The following DUSP10 variants were observed in gnomAD, a reference collection of about 807,000 sequenced individuals.
DUSP10 encodes the protein dual specificity protein phosphatase 10.
In DUSP10, 14 loss-of-function variants were observed where a neutral mutation model predicts 30.8. The observed-to-expected ratio is 0.46, with a 90% CI of 0.30 to 0.71. The LOEUF is 0.71. Ranked by LOEUF, DUSP10 falls within the 30% of genes least tolerant of loss-of-function variation. The pLI is 0.08. For synonymous variants in DUSP10, 254 were observed against 250.4 expected (o/e 1.01, Z -0.14); for missense variants, 550 against 619.4 (o/e 0.89, Z 1.19).
chr1:221,742,043 C>T lies in DUSP10; in HGVS notation c.-106G>A, dbSNP rs1293283297. 6.6e-6 allele frequency: 1 copy of T among 152,352 alleles called. No individual in the cohort carries two copies. Among genetic ancestry groups the T allele is most frequent in the African/African-American group, 2.4e-5 (1 of 41,462 alleles). 9.4% of individuals were successfully genotyped at this position (152,352 alleles called of 1,614,324 possible). ...CTCTTCAGCTATGGACTCGCACATT[C>T]AGCCCCCATTCACTCGGCTTCATTG... On this transcript the variant is annotated 5_prime_UTR_variant, in exon 1 of 4. Coordinates refer to ENST00000366899, the MANE Select transcript of DUSP10 (RefSeq NM_007207.6).
chr1:221,706,060 G>T lies in DUSP10; in HGVS notation c.1183+35C>A, dbSNP rs1422041905. 7 of 1,586,454 alleles carry T rather than the reference G, an allele frequency of 4.4e-6. No homozygotes were observed. The highest frequency in any genetic ancestry group is 6.0e-6 in the Non-Finnish European group (7 of 1,163,918). ...AGCAAGAGCTGGAGGGAAAAGGAAG[G>T]CAGCGGATGAAAATTCCCTATGGGA... On this transcript the variant is annotated intron_variant, in intron 3 of 3. Transcript: ENST00000366899. The surrounding 1 kb of genome is among the most constrained non-coding windows in gnomAD (Gnocchi z 4.6).
At chr1:221,713,857 G>A (rs1269859838) in intron 2 of DUSP10, among the ~76,000 whole-genome samples, 1 of 152,068 alleles carries the variant, frequency 6.6e-6, no homozygotes, top group Non-Finnish European at 1.5e-5. Context: ...AGGGAAAGAG[G>A]TATTGAGATA....
At chr1:221,711,357 T>C (rs1009054221) in intron 2 of DUSP10, among the ~76,000 whole-genome samples, 2 of 152,222 alleles carry the variant, frequency 1.3e-5, no homozygotes, top group African/African-American at 4.8e-5. Flanking sequence ...TTTGGTCTTA[T>C]GCTAAGCTAG....
intron 2 of DUSP10, among the ~76,000 whole-genome samples, chr1:221,729,297 A>G (rs1050752108): frequency 1.7e-4 from 26 of 152,220 alleles, no homozygotes; most frequent in African/African-American, 5.1e-4. Flanking sequence ...CACCTTAGCA[A>G]TGGAATTTTT....
At chr1:221,734,834 T>C (rs186772933) in intron 2 of DUSP10, among the ~76,000 whole-genome samples, 1 of 152,306 alleles carries the variant, frequency 6.6e-6, no homozygotes, top group Non-Finnish European at 1.5e-5. Flanking sequence ...TGAATGTAGA[T>C]ATGTCTTTAT....
rs369130391 is a variant in DUSP10, at chr1:221,706,361, A to G, written c.917T>C (p.Leu306Ser). ...VGGGASAASS[L>S]LPQPIPTTPD... The stretch of plus-strand genomic sequence containing the variant: ...GGTGGTGGGGATGGGCTGAGGTAGC[A>G]AGCTCGAGGCCGCGGATGCGCCGCC... The change falls in exon 3 of 4, where the codon TTG becomes TCG. Residue 306 changes from leucine to serine, a missense_variant. Physicochemically the swap from Leu to Ser is moderately radical, Grantham distance 145. Coordinates refer to ENST00000366899, the MANE Select transcript of DUSP10 (RefSeq NM_007207.6). The surrounding 1 kb of genome is among the most constrained non-coding windows in gnomAD (Gnocchi z 4.6). 8 of 1,604,382 alleles carry G rather than the reference A, an allele frequency of 5.0e-6. No homozygotes were observed. The highest frequency in any genetic ancestry group is 6.8e-6 in the Non-Finnish European group (8 of 1,172,890).
chr1:221,728,048 C>G (rs748786071), intron 2 of DUSP10, among the ~76,000 whole-genome samples: 15 of 152,170 alleles, frequency 9.9e-5, no homozygotes, highest in Admixed American at 2.0e-4. Flanking sequence ...TGGATCATCA[C>G]AGGGGTGGGT....
intron 2 of DUSP10, among the ~76,000 whole-genome samples, chr1:221,735,993 C>T (rs1661755523): frequency 6.6e-6 from 1 of 152,186 alleles, no homozygotes; most frequent in Non-Finnish European, 1.5e-5. Flanking sequence ...TGAAGAGAAG[C>T]ACAGGTCTGA....
rs1237043644 is a variant in DUSP10 at position 221,739,487 on chromosome 1, G to A, written c.258C>T (p.Tyr86=). The change falls in exon 2 of 4, where the codon TAC becomes TAT. Residue 86 remains tyrosine (Y), a synonymous_variant. Transcript: ENST00000366899. ...SSASCCTVAT[Y]DKDNQAQTQA... is the part of the protein sequence containing the mutation. ...GGGTTTGGGCCTGATTGTCCTTGTC[G>A]TAGGTTGCCACAGTGCAGCAGCTGG... 14 of 1,614,060 alleles carry A rather than the reference G, an allele frequency of 8.7e-6. No homozygotes were observed. Among genetic ancestry groups the A allele is most frequent in the African/African-American group, 1.3e-5 (1 of 74,908 alleles).
At chr1:221,709,473 G>C (rs1660872502) in intron 2 of DUSP10, among the ~76,000 whole-genome samples, 1 of 151,562 alleles carries the variant, frequency 6.6e-6, no homozygotes, top group African/African-American at 2.4e-5. Context: ...GGGAGGGGTG[G>C]GGGTGGAGAG....
At chr1:221,707,300 T>A (rs932508701) in intron 2 of DUSP10, among the ~76,000 whole-genome samples, 1 of 152,204 alleles carries the variant, frequency 6.6e-6, no homozygotes, top group Non-Finnish European at 1.5e-5. Context: ...TCTTATAATC[T>A]TTTTTGATAT....
intron 2 of DUSP10, among the ~76,000 whole-genome samples, chr1:221,716,874 A>C (rs1256383867): frequency 1.3e-5 from 2 of 152,252 alleles, no homozygotes; most frequent in East Asian, 3.8e-4. Context: ...ATTTGTTAAC[A>C]GACATGCCAG....
At chr1:221,703,947 T>G (rs140883523) in intron 3 of DUSP10, among the ~76,000 whole-genome samples, 1 of 152,216 alleles carries the variant, frequency 6.6e-6, no homozygotes. Context: ...TCAAGAAAAG[T>G]AAGCATCTCT....
intron 1 of DUSP10, 55 bp from the exon 2 acceptor site, chr1:221,739,842 A>T: frequency 6.9e-7 from 1 of 1,454,410 alleles, no homozygotes; most frequent in Non-Finnish European, 9.0e-7. Flanking sequence ...CACAAAAGGC[A>T]GTCTCATCCA....
In DUSP10 at chr1:221,706,384, G is replaced by A. The variant is rs142490153; in HGVS notation, c.894C>T (p.Gly298=). 3.7e-5 allele frequency: 58 copies of A among 1,583,602 alleles called. No individual in the cohort carries two copies. Among genetic ancestry groups the A allele is most frequent in the Admixed American group, 2.3e-4 (13 of 57,740 alleles). The change falls in exon 3 of 4, where the codon GGC becomes GGT. Residue 298 remains glycine, a synonymous_variant. Coordinates refer to ENST00000366899, the MANE Select transcript of DUSP10 (RefSeq NM_007207.6). The surrounding 1 kb of genome is among the most constrained non-coding windows in gnomAD (Gnocchi z 4.6). Reference sequence around the variant, plus strand: ...GCAAGCTCGAGGCCGCGGATGCGCCGCCCCCCACCTCCCGGCACTCTTGGA... The same window carrying A: ...GCAAGCTCGAGGCCGCGGATGCGCCACCCCCCACCTCCCGGCACTCTTGGA... ...LQLQECREVG[G]GASAASSLLP...
chr1:221,705,984 A>T, intron 3 of DUSP10, 111 bp downstream of exon 3: 4 of 1,463,914 alleles, frequency 2.7e-6, no homozygotes, highest in Non-Finnish European at 2.8e-6. Context: ...CCAAAACTCC[A>T]GGGCAGCTTT....
At chr1:221,703,201 A>ATGTGTG (rs150612120) in intron 3 of DUSP10, among the ~76,000 whole-genome samples, 41 of 149,906 alleles carry the variant, frequency 2.7e-4, no homozygotes, top group African/African-American at 9.9e-4. Context: ...ATGTGTGTGT[A>ATGTGTG]TGTGTGTGTG....
chr1:221,739,491 G>A lies in DUSP10; in HGVS notation c.254C>T (p.Thr85Ile), dbSNP rs778015564. Residue 85 changes from threonine to isoleucine, a missense_variant, in exon 2 of 4, where the codon ACC becomes ATC. Physicochemically the swap from Thr to Ile is moderately conservative, Grantham distance 89 (BLOSUM62 -1). Coordinates refer to ENST00000366899, the MANE Select transcript of DUSP10 (RefSeq NM_007207.6). The part of the protein sequence containing the change: ...CSSASCCTVA[T>I]YDKDNQAQTQ... ...TTGGGCCTGATTGTCCTTGTCGTAG[G>A]TTGCCACAGTGCAGCAGCTGGCACT... 1 of 1,614,184 alleles carries A rather than the reference G, an allele frequency of 6.2e-7. No individual in the cohort carries two copies.
At chr1:221,716,369 A>G (rs1661107837) in intron 2 of DUSP10, among the ~76,000 whole-genome samples, 1 of 152,114 alleles carries the variant, frequency 6.6e-6, no homozygotes, top group Admixed American at 6.5e-5. Context: ...TTGTGGGCAT[A>G]GTTGACTTCA....
Sources: allele counts gnomAD v4.1 joint callset (sites outside exome capture counted in the v4.1 genomes callset), GRCh38; gene constraint gnomAD v4.1.1; non-coding constraint Gnocchi (gnomAD v3.1); transcripts MANE v1.5; gene names NCBI Gene and HGNC (gene_info 2026-07-23, HGNC 2026-07-21).